The following BBS9 variants were observed in gnomAD, a reference collection of about 807,000 sequenced individuals.
BBS9 encodes the protein protein PTHB1.
BBS9 carries 89 observed loss-of-function variants against 117.7 expected under a neutral mutation model. The observed-to-expected ratio is 0.76, with a 90% CI of 0.64 to 0.90. BBS9 has a LOEUF of 0.90. Ranked by LOEUF, BBS9 falls within the 40% of genes least tolerant of loss-of-function variation. BBS9 has a pLI of 0.00. For synonymous variants in BBS9, 379 were observed against 370.9 expected (o/e 1.02, Z -0.25); for missense variants, 982 against 1,042.2 (o/e 0.94, Z 0.80).
chr7:33,607,592 A>T (rs1193202097), downstream of BBS9, among the ~76,000 whole-genome samples: 2 of 152,106 alleles, frequency 1.3e-5, no homozygotes, highest in African/African-American at 4.8e-5. Context: ...TACTTGATAT[A>T]CCTTTTTAAC....
chr7:33,399,404 A>G (rs1828548337), intron 19 of BBS9, among the ~76,000 whole-genome samples: 1 of 152,202 alleles, frequency 6.6e-6, no homozygotes, highest in Non-Finnish European at 1.5e-5. Context: ...GTTTAAAACA[A>G]TGTCATCAAA....
intron 9 of BBS9, among the ~76,000 whole-genome samples, chr7:33,330,192 T>G (rs1339975468): frequency 6.6e-6 from 1 of 152,028 alleles, no homozygotes; most frequent in Non-Finnish European, 1.5e-5. Context: ...TTTTTTGTAT[T>G]TTAGTAGAGA....
Position 33,351,065 on chromosome 7 carries a change from A to T in BBS9, c.1433-154A>T, listed in dbSNP as rs146325498. ...ATAAATGAGGACAATAATAGTATCA[A>T]CCTCACAGGTTTGTTGTGAAGATTT... is the stretch of plus-strand genomic sequence containing the variant. On this transcript the variant is annotated intron_variant, in intron 13 of 22. Coordinates refer to ENST00000242067, the MANE Select transcript of BBS9 (RefSeq NM_198428.3). 6.1e-4 allele frequency among the ~76,000 whole-genome samples: 93 copies of T among 152,294 alleles called. No homozygotes were observed. Among genetic ancestry groups the T allele is most frequent in the Middle Eastern group, 3.4e-3 (1 of 294 alleles).
rs1387411241 is a variant in BBS9 at position 33,349,459 on chromosome 7, G to T, written c.1432+289G>T. 10 of 408,832 alleles carry T rather than the reference G, an allele frequency of 2.4e-5. No individual in the cohort carries two copies. In the East Asian group the frequency reaches 4.0e-4, roughly 16 times the overall value. The allele number at this position is 408,832 out of a possible 1,614,324, so 25.3% of individuals were successfully genotyped here. A position where few individuals can be genotyped will look rare whatever the true frequency, so the allele number is the denominator to read the frequency against. On this transcript the variant is annotated intron_variant, in intron 13 of 22. Coordinates refer to ENST00000242067, the MANE Select transcript of BBS9 (RefSeq NM_198428.3). ...TTTATTTATTTATTTTTGAGACAGG[G>T]TCTCATTCTCATTGGCCCAGACTGG...
chr7:33,247,326 T>C (rs185737663), intron 5 of BBS9, among the ~76,000 whole-genome samples: 2 of 152,214 alleles, frequency 1.3e-5, no homozygotes, highest in East Asian at 3.9e-4. Context: ...TACTTTACAG[T>C]TGAGGAAACT....
intron 19 of BBS9, among the ~76,000 whole-genome samples, chr7:33,504,495 T>C (rs1845878852): frequency 1.3e-5 from 2 of 152,164 alleles, no homozygotes; most frequent in South Asian, 4.1e-4. Context: ...TATCACCAAA[T>C]GGATCATCTG....
At chr7:33,312,522 A>G (rs1489123728) in intron 9 of BBS9, among the ~76,000 whole-genome samples, 1 of 152,164 alleles carries the variant, frequency 6.6e-6, no homozygotes, top group Non-Finnish European at 1.5e-5. Flanking sequence ...CCTCCACTGG[A>G]GTCTTTCCAT....
chr7:33,501,685 G>C (rs1845467507), intron 19 of BBS9, among the ~76,000 whole-genome samples: 1 of 152,160 alleles, frequency 6.6e-6, no homozygotes, highest in Non-Finnish European at 1.5e-5. Context: ...GTGTGTAAAA[G>C]CATCCTTTAA....
chr7:33,248,059 A>C (rs1260476662), intron 5 of BBS9, among the ~76,000 whole-genome samples: 2 of 152,228 alleles, frequency 1.3e-5, no homozygotes, highest in Non-Finnish European at 2.9e-5. Flanking sequence ...AATTAGACAC[A>C]TTAAAATGTC....
At chr7:33,628,470 G>A (rs1420278726) in intron 21 of BBS9, among the ~76,000 whole-genome samples, 3 of 152,188 alleles carry the variant, frequency 2.0e-5, no homozygotes, top group African/African-American at 7.2e-5. Context: ...CTCAGTAGAT[G>A]CAGCAGGAGC....
chr7:33,326,594 G>A (rs1001745799), intron 9 of BBS9, among the ~76,000 whole-genome samples: 9 of 151,918 alleles, frequency 5.9e-5, no homozygotes, highest in Non-Finnish European at 7.4e-5. Context: ...TGTGCTGACC[G>A]GAAGCCAGCA....
intron 7 of BBS9, among the ~76,000 whole-genome samples, chr7:33,272,549 G>T (rs1473280870): frequency 6.6e-6 from 1 of 152,094 alleles, no homozygotes; most frequent in Non-Finnish European, 1.5e-5. Flanking sequence ...GCAATATGGA[G>T]ATATCCTGGA....
At chr7:33,274,700 A>G (rs534347038) in intron 9 of BBS9, among the ~76,000 whole-genome samples, 1 of 152,284 alleles carries the variant, frequency 6.6e-6, no homozygotes, top group Admixed American at 6.5e-5. Context: ...TTGAGCATTT[A>G]AAGGCCATAC....
At chr7:33,389,687 T>TAAAA (rs5883400) in intron 19 of BBS9, among the ~76,000 whole-genome samples, 3,880 of 91,770 alleles carry the variant, frequency 0.042, 156 homozygotes, top group Middle Eastern at 0.08. Flanking sequence ...AGACTCCATC[T>TAAAA]AAAAAAAAAA....
At chr7:33,242,818 G>C (rs984892529) in intron 5 of BBS9, 5 of 354,828 alleles carry the variant, frequency 1.4e-5, no homozygotes, top group Non-Finnish European at 2.3e-5. Flanking sequence ...GTTAAATTTG[G>C]AATCAGAAAG....
At chr7:33,282,169 C>A (rs1210933563) in intron 9 of BBS9, among the ~76,000 whole-genome samples, 1 of 151,768 alleles carries the variant, frequency 6.6e-6, no homozygotes, top group African/African-American at 2.4e-5. Flanking sequence ...GTGGTTTTTG[C>A]AAAAAGTATA....
Position 33,326,950 on chromosome 7 carries a change from G to A in BBS9, c.1017-9491G>A, listed in dbSNP as rs181708705. ...CTGTGCACTACTTTGCTGGGCGTTC[G>A]GGGAAAGGTGGTGCAAGCACTCCCT... On this transcript the variant is annotated intron_variant, in intron 9 of 22. Coordinates refer to ENST00000242067, the MANE Select transcript of BBS9 (RefSeq NM_198428.3). Among the ~76,000 whole-genome samples, 410 of 151,978 alleles carry A rather than the reference G, an allele frequency of 2.7e-3. 3 individuals are homozygous for A. The highest frequency in any genetic ancestry group is 3.1e-3 in the Non-Finnish European group (211 of 67,986).
chr7:33,593,715 C>T (rs569887454), intron 21 of BBS9, among the ~76,000 whole-genome samples: 13 of 152,146 alleles, frequency 8.5e-5, no homozygotes, highest in Admixed American at 5.2e-4. Context: ...GGTAGGGGGT[C>T]GCAATGCACC....
chr7:33,286,763 A>C (rs898616141), intron 9 of BBS9, among the ~76,000 whole-genome samples: 2 of 152,084 alleles, frequency 1.3e-5, no homozygotes, highest in Non-Finnish European at 2.9e-5. Context: ...CTTTGGATGG[A>C]CTTAGTCCTT....
Sources: allele counts gnomAD v4.1 joint callset (sites outside exome capture counted in the v4.1 genomes callset), GRCh38; gene constraint gnomAD v4.1.1; transcripts MANE v1.5; gene names NCBI Gene and HGNC (gene_info 2026-07-23, HGNC 2026-07-21).